Variants in KNDC1 observed in about 807,000 individuals in gnomAD.
KNDC1 encodes the protein kinase non-catalytic C-lobe domain-containing protein 1.
In KNDC1, 106 loss-of-function variants were observed where a neutral mutation model predicts 172.8. The ratio of observed to expected loss-of-function variants is 0.61; its 90% CI spans 0.52 to 0.72. KNDC1 has a LOEUF of 0.72. KNDC1 is among the 30% of genes least tolerant of loss of function. The pLI is 0.00. For missense variants in KNDC1, 2,325 were observed against 2,394.5 expected, an observed-to-expected ratio of 0.97 and a Z score of 0.61; for synonymous variants, 1,083 against 1,062.2, an observed-to-expected ratio of 1.02 and a Z score of -0.38.
At position 133,186,159 on chromosome 10, in the gene KNDC1, G is replaced by A. The variant is rs200878319; in HGVS notation, c.811G>A (p.Glu271Lys). Reference sequence around the variant, plus strand: ...GCTGTCCACCCCGGTGAGAAATGGCGAGAGCCACAGCCGGGAGGGGCTGGC... The same window carrying A: ...GCTGTCCACCCCGGTGAGAAATGGCAAGAGCCACAGCCGGGAGGGGCTGGC... ...ALLSTPVRNG[E>K]SHSREGLAGL... Residue 271 changes from glutamate (E) to lysine (K), a missense_variant, in exon 6 of 30, where the codon GAG (glutamate) becomes AAG (lysine). Transcript: ENST00000304613. 2.0e-5 allele frequency: 32 copies of A among 1,583,138 alleles called. No individual in the cohort carries two copies. Among genetic ancestry groups the A allele is most frequent in the African/African-American group, 1.9e-4 (14 of 74,186 alleles).
intron 1 of KNDC1, among the ~76,000 whole-genome samples, chr10:133,164,764 C>T (rs773297439): frequency 2.6e-5 from 4 of 151,360 alleles, no homozygotes; most frequent in South Asian, 2.1e-4. Flanking sequence ...GACTACAGGA[C>T]GCCCAGATAG....
At chr10:133,175,264 T>TCCC (rs1285203226) in intron 3 of KNDC1, among the ~76,000 whole-genome samples, 1 of 142,240 alleles carries the variant, frequency 7.0e-6, no homozygotes, top group Non-Finnish European at 1.5e-5. Context: ...GATAGATGGG[T>TCCC]GGATGGTGGA....
At chr10:133,161,844 C>G (rs909785675) in intron 1 of KNDC1, among the ~76,000 whole-genome samples, 18 of 152,220 alleles carry the variant, frequency 1.2e-4, no homozygotes, top group African/African-American at 4.3e-4. Context: ...CTCCTTCGTG[C>G]ATCAGAGGCC....
chr10:133,189,572 C>T, intron 7 of KNDC1, 26 bp from the exon 8 acceptor site: 1 of 1,609,808 alleles, frequency 6.2e-7, no homozygotes, highest in Non-Finnish European at 8.5e-7. Flanking sequence ...GCATGCATAC[C>T]CGCCCTGACC....
intron 3 of KNDC1, among the ~76,000 whole-genome samples, chr10:133,183,142 C>T (rs1853774070): frequency 6.9e-6 from 1 of 144,734 alleles, no homozygotes; most frequent in African/African-American, 2.6e-5. Context: ...TGGGTGTGAG[C>T]AGCGTGGGCG....
intron 3 of KNDC1, among the ~76,000 whole-genome samples, chr10:133,177,288 T>C (rs1329554638): frequency 1.3e-5 from 2 of 152,188 alleles, no homozygotes; most frequent in Non-Finnish European, 2.9e-5. Context: ...GTCTGGCATA[T>C]GTGTGCATCT....
At chr10:133,184,580 G>T (rs1853837976) in intron 5 of KNDC1, among the ~76,000 whole-genome samples, 1 of 152,218 alleles carries the variant, frequency 6.6e-6, no homozygotes, top group Non-Finnish European at 1.5e-5. Flanking sequence ...GCCCACACCA[G>T]AATGCACACA....
At chr10:133,212,010 T>C in intron 23 of KNDC1, 152 bp downstream of exon 23, 2 of 714,456 alleles carry the variant, frequency 2.8e-6, no homozygotes, top group Non-Finnish European at 4.5e-6. Context: ...CGTGTGCACA[T>C]ACACTTGTGT....
intron 29 of KNDC1, among the ~76,000 whole-genome samples, chr10:133,221,816 C>T (rs1845594265): frequency 7.3e-6 from 1 of 137,628 alleles, no homozygotes; most frequent in Non-Finnish European, 1.6e-5. Flanking sequence ...GCGGCTCACG[C>T]CTGTAACCCT....
chr10:133,219,864 G>A lies in KNDC1; in HGVS notation c.4861-91G>A, dbSNP rs1003936877. 4.4e-4 allele frequency: 576 copies of A among 1,309,610 alleles called. 1 individual carries two copies. Among genetic ancestry groups the A allele is most frequent in the Non-Finnish European group, 5.5e-4 (535 of 973,366 alleles). 81.1% of individuals were successfully genotyped at this position (1,309,610 alleles called of 1,614,324 possible). A position where few individuals can be genotyped will look rare whatever the true frequency, so the allele number is the denominator to read the frequency against. ...GTGCGTGGAGAACGCAGGACCCGCT[G>A]GGACTGGTTGGGCTGCGCTGGCCCC... On this transcript the variant is annotated intron_variant, in intron 28 of 29. Transcript: ENST00000304613.
chr10:133,226,050 G>C lies in KNDC1; in HGVS notation c.*1160G>C, dbSNP rs1845711832. On this transcript the variant is annotated 3_prime_UTR_variant, in exon 30 of 30. Coordinates refer to ENST00000304613, the MANE Select transcript of KNDC1 (RefSeq NM_152643.8). Reference sequence around the variant, plus strand: ...AGTCATTCTTTAGAGCAGCCAGCTAGTGGCATTTCTAGGAAAACTGTGACC... The same window carrying C: ...AGTCATTCTTTAGAGCAGCCAGCTACTGGCATTTCTAGGAAAACTGTGACC... 6.6e-6 allele frequency: 1 copy of C among 152,272 alleles called. No individual in the cohort carries two copies. Among genetic ancestry groups the C allele is most frequent in the Non-Finnish European group, 1.5e-5 (1 of 68,040 alleles). The allele number at this position is 152,272 out of a possible 1,614,324, so 9.4% of individuals were successfully genotyped here. A position where few individuals can be genotyped will look rare whatever the true frequency, so the allele number is the denominator to read the frequency against.
chr10:133,206,816 G>C, intron 18 of KNDC1, 38 bp downstream of exon 18: 1 of 1,613,206 alleles, frequency 6.2e-7, no homozygotes, highest in Non-Finnish European at 8.5e-7. Flanking sequence ...GACCCTGGCT[G>C]CAGGCAGCCC....
chr10:133,224,104 G>A lies in KNDC1; in HGVS notation c.5019-555G>A, dbSNP rs1273860677. ...CGCCCCTTTCTTTGTCCCTCACACT[G>A]GGCATGTGGTGTTTCCATCCAAAAT... On this transcript the variant is annotated intron_variant, in intron 29 of 29. Coordinates refer to ENST00000304613, the MANE Select transcript of KNDC1 (RefSeq NM_152643.8). This position sits in a 1 kb window ranked among gnomAD's most constrained non-coding sequence, Gnocchi z 5.4. 4.6e-5 allele frequency among the ~76,000 whole-genome samples: 7 copies of A among 152,198 alleles called. No individual in the cohort carries two copies. The highest frequency in any genetic ancestry group is 7.3e-5 in the Non-Finnish European group (5 of 68,040).
chr10:133,197,386 C>T (rs925446680), intron 11 of KNDC1, among the ~76,000 whole-genome samples: 6 of 152,276 alleles, frequency 3.9e-5, no homozygotes, highest in African/African-American at 1.2e-4. Context: ...GCACCCACCC[C>T]GGGCGCAGAG....
Position 133,210,056 on chromosome 10 carries a change from C to T in KNDC1, c.3795-555C>T, listed in dbSNP as rs539345764. 5.3e-5 allele frequency among the ~76,000 whole-genome samples: 8 copies of T among 152,214 alleles called. No homozygotes were observed. In the South Asian group the frequency reaches 1.2e-3, roughly 24 times the overall value. On this transcript the variant is annotated intron_variant, in intron 20 of 29. Coordinates refer to ENST00000304613, the MANE Select transcript of KNDC1 (RefSeq NM_152643.8). ...AGCTAACGGGTCCTGCGAGTGGAGA[C>T]GTCACAAAGCCCTGCATAGGGCTGC...
At chr10:133,180,442 A>G (rs558826573) in intron 3 of KNDC1, among the ~76,000 whole-genome samples, 1 of 152,348 alleles carries the variant, frequency 6.6e-6, no homozygotes, top group African/African-American at 2.4e-5. Flanking sequence ...GGGCAGGAGG[A>G]GCCCTTCCTT....
intron 17 of KNDC1, among the ~76,000 whole-genome samples, chr10:133,203,526 G>A (rs1038847033): frequency 2.0e-5 from 3 of 152,250 alleles, no homozygotes; most frequent in Admixed American, 6.5e-5. Flanking sequence ...TCTCTGGGGC[G>A]GCTGGAGCAG....
intron 17 of KNDC1, among the ~76,000 whole-genome samples, chr10:133,204,095 G>C (rs1363564371): frequency 1.3e-5 from 2 of 152,166 alleles, no homozygotes. Context: ...GGTGACCTCC[G>C]GGGGCCGGAC....
chr10:133,161,706 T>C (rs1015391361), intron 1 of KNDC1, among the ~76,000 whole-genome samples: 6 of 151,564 alleles, frequency 4.0e-5, no homozygotes, highest in Non-Finnish European at 8.8e-5. Flanking sequence ...GGGGAGGCAA[T>C]AAAGCTTCCA....
Sources: allele counts gnomAD v4.1 joint callset (sites outside exome capture counted in the v4.1 genomes callset), GRCh38; gene constraint gnomAD v4.1.1; non-coding constraint Gnocchi (gnomAD v3.1); transcripts MANE v1.5; gene names NCBI Gene and HGNC (gene_info 2026-07-23, HGNC 2026-07-21).